The following NOL8 variants were observed in gnomAD, a reference collection of about 807,000 sequenced individuals.
The protein encoded by NOL8 is nucleolar protein Nop132.
Under a neutral mutation model 116.1 loss-of-function variants are expected in NOL8, and 93 were observed. The observed-to-expected ratio is 0.80, with a 90% CI of 0.68 to 0.95. The LOEUF is 0.95. Among genes scored for constraint, NOL8 ranks in the 40% least tolerant of loss-of-function variants. The pLI is 0.00. For missense variants in NOL8, 1,291 were observed against 1,382.8 expected (o/e 0.93, Z 1.05); for synonymous variants, 419 against 469.0 (o/e 0.89, Z 1.38).
At chr9:92,300,107 G>T in intron 13 of NOL8, 91 bp from the exon 14 acceptor site, 1 of 1,486,292 alleles carries the variant, frequency 6.7e-7, no homozygotes, top group African/African-American at 1.4e-5. Flanking sequence ...TTACCACGTA[G>T]ACATATCTAA....
At chr9:92,323,140 C>A (rs1840059937) in intron 3 of NOL8, 6 of 406,192 alleles carry the variant, frequency 1.5e-5, no homozygotes, top group Admixed American at 8.0e-5. Context: ...GGGAATGTGG[C>A]ATGATATTCA....
At chr9:92,310,309 A>T in intron 9 of NOL8, 48 bp from the exon 10 acceptor site, 1 of 1,522,504 alleles carries the variant, frequency 6.6e-7, no homozygotes, top group Non-Finnish European at 9.0e-7. Flanking sequence ...TTCCCAAGAA[A>T]TTGCTTCTGA....
intron 5 of NOL8, 186 bp from the exon 6 acceptor site, chr9:92,318,872 T>C (rs1839667728): frequency 3.6e-6 from 2 of 558,156 alleles, no homozygotes; most frequent in South Asian, 5.0e-5. Context: ...AAAGGAAGAT[T>C]TGGAGCAGCT....
chr9:92,310,461 G>A, intron 9 of NOL8, 92 bp downstream of exon 9: 1 of 1,405,230 alleles, frequency 7.1e-7, no homozygotes, highest in Non-Finnish European at 9.8e-7. Context: ...CTATAATGTA[G>A]GTTAAGGTCT....
intron 1 of NOL8, 83 bp from the exon 2 acceptor site, chr9:92,324,292 T>A: frequency 9.2e-7 from 1 of 1,092,662 alleles, no homozygotes; most frequent in Non-Finnish European, 1.3e-6. Flanking sequence ...CTGTATCAAA[T>A]CCGTCTCCTG....
At chr9:92,323,583 A>T in intron 2 of NOL8, 80 bp from the exon 3 acceptor site, 1 of 1,160,774 alleles carries the variant, frequency 8.6e-7, no homozygotes, top group Non-Finnish European at 1.2e-6. Context: ...GGTTGTTTCT[A>T]AATTAAAAAA....
rs2134071854 is a variant in NOL8 at position 92,297,732 on chromosome 9, T to A, written c.*104A>T. 1 of 825,226 alleles carries A rather than the reference T, an allele frequency of 1.2e-6. No homozygotes were observed. The highest frequency in any genetic ancestry group is 1.8e-5 in the African/African-American group (1 of 56,128). The allele number at this position is 825,226 out of a possible 1,614,324, so 51.1% of individuals were successfully genotyped here. A position where few individuals can be genotyped will look rare whatever the true frequency, so the allele number is the denominator to read the frequency against. ...ATTCCGTCAGCCAGATTTTTAAAAT[T>A]CCTTCACTCTGAAATTTCTTCTTTG... On this transcript the variant is annotated 3_prime_UTR_variant, in exon 17 of 17. Coordinates refer to ENST00000442668, the MANE Select transcript of NOL8 (RefSeq NM_017948.6).
At position 92,299,960 on chromosome 9, in the gene NOL8, G is replaced by C; in HGVS notation, c.3232C>G (p.Arg1078Gly). Residue 1078 changes from arginine to glycine, a missense_variant, in exon 14 of 17, where the codon CGT (arginine) becomes GGT (glycine). Physicochemically the swap from Arg to Gly is moderately radical, Grantham distance 125. Coordinates refer to ENST00000442668, the MANE Select transcript of NOL8 (RefSeq NM_017948.6). ...PGKIVWQEDP[R>G]LQDSSSEEED... ...TCTTCTGAACTGCTGTCTTGTAAACGAGGGTCTTCCTGCCAGACAATCTTT... is the reference window on the plus strand; with the variant it reads ...TCTTCTGAACTGCTGTCTTGTAAACCAGGGTCTTCCTGCCAGACAATCTTT... The C allele has an allele frequency of 6.2e-7, 1 of 1,613,448 alleles. No homozygotes were observed. Among genetic ancestry groups the C allele is most frequent in the South Asian group, 1.1e-5 (1 of 91,068 alleles).
chr9:92,316,217 T>G, intron 6 of NOL8, 79 bp from the exon 7 acceptor site: 2 of 1,407,286 alleles, frequency 1.4e-6, no homozygotes, highest in Non-Finnish European at 1.9e-6. Context: ...AAATATTGCT[T>G]AATCTCAAAT....
intron 6 of NOL8, 75 bp from the exon 7 acceptor site, chr9:92,316,213 T>A (rs1839395791): frequency 3.4e-6 from 5 of 1,455,950 alleles, no homozygotes; most frequent in Non-Finnish European, 3.7e-6. Flanking sequence ...CAAAAAATAT[T>A]GCTTAATCTC....
chr9:92,298,892 C>T lies in NOL8; in HGVS notation c.3365G>A (p.Arg1122Gln), dbSNP rs1192660887. ...RFFFFSKNDE[R>Q]LQGSDLFWRG... ...GAAAAAAATGGACTGACCTTGAAGT[C>T]GTTCATCATTCTTAGAGAAAAAGAA... is the stretch of plus-strand genomic sequence containing the variant. Residue 1122 changes from arginine to glutamine, a missense_variant, in exon 15 of 17, where the codon CGA becomes CAA. Transcript: ENST00000442668. 14 of 1,525,238 alleles carry T rather than the reference C, an allele frequency of 9.2e-6. No individual in the cohort carries two copies. The highest frequency in any genetic ancestry group is 1.4e-5 in the African/African-American group (1 of 72,116). 94.5% of individuals were successfully genotyped at this position (1,525,238 alleles called of 1,614,324 possible).
chr9:92,298,677 C>T (rs1837456876), intron 15 of NOL8: 1 of 473,970 alleles, frequency 2.1e-6, no homozygotes, highest in Admixed American at 4.0e-5. Flanking sequence ...CAAAACAACC[C>T]TTTGTTGATG....
intron 10 of NOL8, chr9:92,308,863 AACAG>A (rs554593960): frequency 3.3e-5 from 5 of 152,268 alleles, no homozygotes; most frequent in Admixed American, 6.5e-5. Context: ...GTTGTAAAGA[AACAG>A]ACAAAATTGG....
Position 92,319,227 on chromosome 9 carries a change from C to A in NOL8, c.411G>T (p.Gly137=). ...GGCTACAGAGGAGACTCACCTTATG[C>A]CCTGGCACTTCTGTCCCTGGCACAG... ...MKAVPGTEVP[G]HKNWVVSKFG... is the part of the protein sequence containing the mutation. The change falls in exon 5 of 17, where the codon GGG becomes GGT. Residue 137 remains glycine (G), a synonymous_variant. Transcript: ENST00000442668. The A allele has an allele frequency of 6.4e-7, 1 of 1,563,154 alleles. No individual in the cohort carries two copies. The highest frequency in any genetic ancestry group is 2.0e-5 in the Admixed American group (1 of 49,722).
chr9:92,323,465 C>T lies in NOL8; in HGVS notation c.178G>A (p.Val60Ile). Residue 60 changes from valine (V) to isoleucine (I), a missense_variant, in exon 3 of 17, where the codon GTA becomes ATA. Coordinates refer to ENST00000442668, the MANE Select transcript of NOL8 (RefSeq NM_017948.6). ...QKVFAYINIS[V>I]AEADLKKCMS... ...CATTTTTTCAGGTCCGCTTCTGCTACACTGATGTTGATATATGCAAAAACT... is the reference window on the plus strand; with the variant it reads ...CATTTTTTCAGGTCCGCTTCTGCTATACTGATGTTGATATATGCAAAAACT... The T allele has an allele frequency of 6.2e-7, 1 of 1,606,996 alleles. No individual in the cohort carries two copies. The highest frequency in any genetic ancestry group is 8.5e-7 in the Non-Finnish European group (1 of 1,176,960).
In NOL8 at chr9:92,301,627, A is replaced by G. The variant is rs766812515; in HGVS notation, c.3099T>C (p.Ala1033=). 1 of 1,607,102 alleles carries G rather than the reference A, an allele frequency of 6.2e-7. No homozygotes were observed. Among genetic ancestry groups the G allele is most frequent in the Non-Finnish European group, 8.5e-7 (1 of 1,178,044 alleles). Residue 1033 remains alanine (A), a synonymous_variant, in exon 13 of 17, where the codon GCT becomes GCC. Transcript: ENST00000442668. ...EKPEEIQDPA[A]LTSDAEQPSG... ...TGGGCTGCTCAGCGTCACTGGTCAGAGCTGCAGGGTCCTGGATTTCCTCAG... is the reference window on the plus strand; with the variant it reads ...TGGGCTGCTCAGCGTCACTGGTCAGGGCTGCAGGGTCCTGGATTTCCTCAG...
At position 92,315,330 on chromosome 9, in the gene NOL8, C is replaced by CT. The variant is rs898538797; in HGVS notation, c.1294dup (p.Ser432LysfsTer15). ...ATGACTGAGGGCTGACTCTACATTG[C>CT]TTTTTCTTTTTTGTAGTTTAATACA... On this transcript the variant is annotated frameshift_variant, in exon 7 of 17. Coordinates refer to ENST00000442668, the MANE Select transcript of NOL8 (RefSeq NM_017948.6). LOFTEE classifies it high-confidence loss of function. The CT allele has an allele frequency of 2.5e-6, 4 of 1,613,258 alleles. No homozygotes were observed. The African/African-American group carries it at 5.3e-5, about 22-fold the overall frequency.
chr9:92,300,084 CATTT>C, intron 13 of NOL8, 68 bp from the exon 14 acceptor site: 1 of 1,540,272 alleles, frequency 6.5e-7, no homozygotes, highest in African/African-American at 1.4e-5. Context: ...TGAACACATT[CATTT>C]GATTACTTTT....
intron 3 of NOL8, 152 bp downstream of exon 3, chr9:92,323,289 T>C (rs1840074112): frequency 1.3e-6 from 2 of 1,532,814 alleles, no homozygotes; most frequent in African/African-American, 2.7e-5. Flanking sequence ...CTAAACCTGC[T>C]GAGTTATACG....
Sources: allele counts gnomAD v4.1 joint callset, GRCh38; gene constraint gnomAD v4.1.1; transcripts MANE v1.5; gene names NCBI Gene and HGNC (gene_info 2026-07-23, HGNC 2026-07-21).